KCNH7: variants seen among roughly 807,000 people sequenced by gnomAD.
The protein encoded by KCNH7 is potassium voltage-gated channel subfamily H member 7.
Under a neutral mutation model 120.8 loss-of-function variants are expected in KCNH7, and 49 were observed. The observed-to-expected ratio is 0.41, with a 90% CI of 0.32 to 0.51. KCNH7 has a LOEUF of 0.51. Among genes scored for constraint, KCNH7 ranks in the 20% least tolerant of loss-of-function variants. The pLI is 0.38. For synonymous variants in KCNH7, 547 were observed against 516.1 expected (o/e 1.06, Z -0.81); for missense variants, 1,097 against 1,446.6 (o/e 0.76, Z 3.92).
chr2:162,429,797 G>A (rs1688005562), intron 8 of KCNH7, among the ~76,000 whole-genome samples: 1 of 150,098 alleles, frequency 6.7e-6, no homozygotes, highest in East Asian at 1.9e-4. Context: ...TTGGATATGT[G>A]GTTTTATAGT....
intron 2 of KCNH7, among the ~76,000 whole-genome samples, chr2:162,619,882 T>C (rs548851366): frequency 2.6e-4 from 39 of 152,118 alleles, no homozygotes; most frequent in African/African-American, 8.9e-4. Context: ...GGACATAAGG[T>C]ATTTGCATAA....
At chr2:162,734,540 T>C (rs1687834499) in intron 2 of KCNH7, among the ~76,000 whole-genome samples, 1 of 152,192 alleles carries the variant, frequency 6.6e-6, no homozygotes, top group African/African-American at 2.4e-5. Flanking sequence ...CATTATGCTG[T>C]TTTTTTCCAC....
chr2:162,443,237 A>T (rs1245578269), intron 7 of KCNH7, among the ~76,000 whole-genome samples: 1 of 152,134 alleles, frequency 6.6e-6, no homozygotes, highest in Non-Finnish European at 1.5e-5. Flanking sequence ...AATGGATCTC[A>T]TTTCTCTTCT....
intron 2 of KCNH7, among the ~76,000 whole-genome samples, chr2:162,583,523 G>C (rs1053987309): frequency 1.3e-5 from 2 of 151,754 alleles, no homozygotes; most frequent in Non-Finnish European, 2.9e-5. Context: ...TCTTAAATAC[G>C]ACTAATACAT....
intron 2 of KCNH7, among the ~76,000 whole-genome samples, chr2:162,731,502 C>T (rs1687730320): frequency 1.3e-5 from 2 of 151,650 alleles, no homozygotes; most frequent in African/African-American, 4.8e-5. Flanking sequence ...AATAAATGAA[C>T]TTGTGCTACA....
At chr2:162,706,634 T>C in intron 2 of KCNH7, among the ~76,000 whole-genome samples, 1 of 152,062 alleles carries the variant, frequency 6.6e-6, no homozygotes, top group Non-Finnish European at 1.5e-5. Context: ...AAATACTAAC[T>C]GGTGCTTCTG....
Position 162,525,242 on chromosome 2 carries a change from T to A in KCNH7, c.464-7084A>T, listed in dbSNP as rs568806695. On this transcript the variant is annotated intron_variant, in intron 3 of 15. Transcript: ENST00000332142. ...AAATTGGAATCTGTAAGTTATGAGT[T>A]AAAGGCAGGAAGTGGAGGTTGGAGG... Among the ~76,000 whole-genome samples, 15 of 152,032 alleles carry A rather than the reference T, an allele frequency of 9.9e-5. No homozygotes were observed. In the South Asian group the frequency reaches 3.1e-3, roughly 32 times the overall value.
At chr2:162,626,873 G>T (rs1683579878) in intron 2 of KCNH7, among the ~76,000 whole-genome samples, 1 of 152,134 alleles carries the variant, frequency 6.6e-6, no homozygotes, top group Non-Finnish European at 1.5e-5. Context: ...CAATTATTCT[G>T]CTGAATTATT....
chr2:162,465,368 C>T (rs1689273540), intron 6 of KCNH7, among the ~76,000 whole-genome samples: 1 of 152,036 alleles, frequency 6.6e-6, no homozygotes, highest in African/African-American at 2.4e-5. Flanking sequence ...AATGCAAGCT[C>T]TATGATCAAA....
chr2:162,517,019 C>T (rs1691320826), intron 4 of KCNH7, among the ~76,000 whole-genome samples: 1 of 151,696 alleles, frequency 6.6e-6, no homozygotes, highest in Non-Finnish European at 1.5e-5. Flanking sequence ...GCCTCAGACA[C>T]AGTAAGTACT....
At chr2:162,754,428 T>G (rs1281428095) in intron 2 of KCNH7, among the ~76,000 whole-genome samples, 1 of 152,146 alleles carries the variant, frequency 6.6e-6, no homozygotes, top group Non-Finnish European at 1.5e-5. Context: ...AAAAATTAAA[T>G]TAATGAATGA....
At chr2:162,777,947 GTTTTTT>G (rs1559129194) in intron 2 of KCNH7, among the ~76,000 whole-genome samples, 1 of 151,982 alleles carries the variant, frequency 6.6e-6, no homozygotes, top group Non-Finnish European at 1.5e-5. Context: ...ATTATCATTT[GTTTTTT>G]TAAAAAGGCT....
At chr2:162,788,815 C>T (rs1683809066) in intron 2 of KCNH7, among the ~76,000 whole-genome samples, 1 of 151,794 alleles carries the variant, frequency 6.6e-6, no homozygotes, top group Non-Finnish European at 1.5e-5. Flanking sequence ...GAGATCGTCA[C>T]TGAGACATAT....
Position 162,452,584 on chromosome 2 carries a change from A to T in KCNH7, c.1129-6141T>A, listed in dbSNP as rs377339602. Among the ~76,000 whole-genome samples, 41 of 152,036 alleles carry T rather than the reference A, an allele frequency of 2.7e-4. 1 individual carries two copies. The highest frequency in any genetic ancestry group is 8.7e-4 in the African/African-American group (36 of 41,422). On this transcript the variant is annotated intron_variant, in intron 6 of 15. Coordinates refer to ENST00000332142, the MANE Select transcript of KCNH7 (RefSeq NM_033272.4). Reference sequence around the variant, plus strand: ...TGTTAAGTTGGTGGATGGGAAAATCATGTTCCAAGATACTCAGAGATGCTA... The same window carrying T: ...TGTTAAGTTGGTGGATGGGAAAATCTTGTTCCAAGATACTCAGAGATGCTA...
intron 2 of KCNH7, among the ~76,000 whole-genome samples, chr2:162,653,576 A>G (rs997994834): frequency 2.0e-5 from 3 of 152,216 alleles, no homozygotes; most frequent in Non-Finnish European, 4.4e-5. Flanking sequence ...ACATAAATCA[A>G]TAGAAATATA....
At chr2:162,506,062 A>G (rs1558983298) in intron 5 of KCNH7, among the ~76,000 whole-genome samples, 2 of 151,920 alleles carry the variant, frequency 1.3e-5, no homozygotes, top group Admixed American at 6.6e-5. Context: ...ATTTTCATGT[A>G]TTTAACAAAT....
chr2:162,598,007 T>A (rs973896919), intron 2 of KCNH7, among the ~76,000 whole-genome samples: 6 of 152,096 alleles, frequency 3.9e-5, no homozygotes, highest in Admixed American at 2.6e-4. Flanking sequence ...TAAATCCCAG[T>A]ATTCCTGGCC....
chr2:162,802,440 C>G (rs1477812013), intron 2 of KCNH7, among the ~76,000 whole-genome samples: 1 of 151,554 alleles, frequency 6.6e-6, no homozygotes, highest in East Asian at 1.9e-4. Context: ...CCTTCTCTCT[C>G]GGGTCATATT....
chr2:162,750,088 T>G (rs1005739586), intron 2 of KCNH7, among the ~76,000 whole-genome samples: 5 of 152,048 alleles, frequency 3.3e-5, no homozygotes, highest in Non-Finnish European at 7.4e-5. Flanking sequence ...CACATTAACA[T>G]GGAGGAGATA....
Sources: allele counts gnomAD v4.1 joint callset (sites outside exome capture counted in the v4.1 genomes callset), GRCh38; gene constraint gnomAD v4.1.1; transcripts MANE v1.5; gene names NCBI Gene and HGNC (gene_info 2026-07-23, HGNC 2026-07-21).